Variants in EYA2 observed in about 807,000 individuals in gnomAD.
EYA2 encodes EYA transcriptional coactivator and phosphatase 2, also known as protein phosphatase EYA2.
A neutral mutation model predicts 69.2 loss-of-function variants in EYA2; 31 were observed. That is an observed-to-expected ratio of 0.45 (90% CI 0.34 to 0.60). The LOEUF is 0.60. EYA2 is among the 20% of genes least tolerant of loss of function. EYA2 has a pLI of 0.02. For missense variants in EYA2, 622 were observed against 701.2 expected, an observed-to-expected ratio of 0.89 and a Z score of 1.28; for synonymous variants, 257 against 279.4, an observed-to-expected ratio of 0.92 and a Z score of 0.80.
rs372300810 is a variant in EYA2, at chr20:47,136,059, G to GA, written c.889-6993dup. Among the ~76,000 whole-genome samples, 46 of 151,742 alleles carry GA rather than the reference G, an allele frequency of 3.0e-4. 1 individual carries two copies. Among genetic ancestry groups the GA allele is most frequent in the African/African-American group, 9.9e-4 (41 of 41,372 alleles). The stretch of plus-strand genomic sequence containing the variant: ...GAAACAGAAAACTTGGAAAATCCAG[G>GA]AAAAAAAGTCTTTAATGGATAGAGT... On this transcript the variant is annotated intron_variant, in intron 9 of 15. Transcript: ENST00000327619.
At chr20:47,072,052 T>C (rs1049004726) in intron 5 of EYA2, 133 bp from the exon 6 acceptor site, 3 of 801,080 alleles carry the variant, frequency 3.7e-6, no homozygotes, top group Non-Finnish European at 6.4e-6. Flanking sequence ...GCATTACCAC[T>C]AGGAACCAGA....
At chr20:47,111,578 C>T (rs1414934230) in intron 9 of EYA2, among the ~76,000 whole-genome samples, 2 of 152,122 alleles carry the variant, frequency 1.3e-5, no homozygotes, top group Admixed American at 6.5e-5. Context: ...GAGAGAGACC[C>T]GTCTTTAGTC....
chr20:47,060,851 CTTT>C (rs35809050), intron 5 of EYA2, among the ~76,000 whole-genome samples: 11,230 of 125,556 alleles, frequency 0.089, 505 homozygotes, highest in East Asian at 0.22. Flanking sequence ...CTCTCTCTCT[CTTT>C]TTTTTTTTTT....
At position 47,183,416 on chromosome 20, in the gene EYA2, C is replaced by T. The variant is rs533350061; in HGVS notation, c.1536+25C>T. The T allele has an allele frequency of 3.5e-5, 56 of 1,606,188 alleles. No homozygotes were observed. In the South Asian group the frequency reaches 5.4e-4, roughly 15 times the overall value. On this transcript the variant is annotated intron_variant, in intron 15 of 15. Transcript: ENST00000327619. The stretch of plus-strand genomic sequence containing the variant: ...GGTACTTCTTCCACCTCTCAGACTG[C>T]GTTTTCCTGCTCTTTCGAGCACCCC...
chr20:47,040,959 T>G (rs1024071700), intron 5 of EYA2, among the ~76,000 whole-genome samples: 2 of 152,306 alleles, frequency 1.3e-5, no homozygotes, highest in Middle Eastern at 6.8e-3. Flanking sequence ...ACAGAACACG[T>G]GAGGCTCCAC....
At chr20:46,981,468 A>T (rs967800332) in intron 1 of EYA2, among the ~76,000 whole-genome samples, 1 of 152,178 alleles carries the variant, frequency 6.6e-6, no homozygotes, top group Non-Finnish European at 1.5e-5. Context: ...ATATTTCTGT[A>T]GCTTTGGCTT....
chr20:47,169,016 C>G lies in EYA2; in HGVS notation c.979-123C>G. ...ATCCAAATCCAGACTAGAACCCGAG[C>G]CTGATGACTCCCAGTGCAGTGCTCA... On this transcript the variant is annotated intron_variant, in intron 10 of 15. Transcript: ENST00000327619. 4.9e-6 allele frequency: 4 copies of G among 811,158 alleles called. No homozygotes were observed. In the South Asian group the frequency reaches 5.8e-5, roughly 12 times the overall value. 50.2% of individuals were successfully genotyped at this position (811,158 alleles called of 1,614,324 possible). A position where few individuals can be genotyped will look rare whatever the true frequency, so the allele number is the denominator to read the frequency against.
chr20:47,162,118 C>T (rs1232686014), intron 10 of EYA2, among the ~76,000 whole-genome samples: 1 of 152,146 alleles, frequency 6.6e-6, no homozygotes, highest in Admixed American at 6.5e-5. Context: ...CTCGTCATCA[C>T]CTGGCATTCT....
At chr20:47,046,429 A>G (rs1330506564) in intron 5 of EYA2, among the ~76,000 whole-genome samples, 1 of 152,206 alleles carries the variant, frequency 6.6e-6, no homozygotes, top group East Asian at 1.9e-4. Context: ...TGGGGGAACC[A>G]GCATGTAGAT....
intron 12 of EYA2, among the ~76,000 whole-genome samples, chr20:47,176,166 A>G (rs1600772619): frequency 7.1e-6 from 1 of 141,636 alleles, no homozygotes; most frequent in Non-Finnish European, 1.5e-5. Context: ...TGCAACCTCT[A>G]CCTCCCAGGT....
chr20:47,175,020 G>A lies in EYA2; in HGVS notation c.1198+2153G>A, dbSNP rs1883884. 3.5e-3 allele frequency among the ~76,000 whole-genome samples: 530 copies of A among 152,352 alleles called. 2 individuals are homozygous for A. The highest frequency in any genetic ancestry group is 0.012 in the African/African-American group (482 of 41,576). ...AGGTGAGACAGGGATGGGGTTGGCCGCCAGAGAGCATCTGTTCCCCATCCA... is the reference window on the plus strand; with the variant it reads ...AGGTGAGACAGGGATGGGGTTGGCCACCAGAGAGCATCTGTTCCCCATCCA... On this transcript the variant is annotated intron_variant, in intron 12 of 15. Coordinates refer to ENST00000327619, the MANE Select transcript of EYA2 (RefSeq NM_005244.5).
chr20:47,089,742 ACT>A (rs2032015782), intron 8 of EYA2, among the ~76,000 whole-genome samples: 1 of 151,998 alleles, frequency 6.6e-6, no homozygotes, highest in African/African-American at 2.4e-5. Context: ...TGAGGACCAC[ACT>A]CTGAGAGTCC....
At chr20:46,942,622 G>A (rs1260700994) in intron 1 of EYA2, among the ~76,000 whole-genome samples, 1 of 152,204 alleles carries the variant, frequency 6.6e-6, no homozygotes, top group Non-Finnish European at 1.5e-5. Flanking sequence ...GGGCTCTGGA[G>A]TGGATCTGTG....
intron 10 of EYA2, among the ~76,000 whole-genome samples, chr20:47,146,077 G>C (rs1186715293): frequency 2.0e-5 from 3 of 152,074 alleles, no homozygotes; most frequent in African/African-American, 4.8e-5. Context: ...GTGGAGGTTG[G>C]GGGAGAGAGA....
At chr20:47,024,027 G>A (rs755881146) in intron 5 of EYA2, among the ~76,000 whole-genome samples, 15 of 152,100 alleles carry the variant, frequency 9.9e-5, no homozygotes, top group African/African-American at 3.6e-4. Flanking sequence ...TGTAGTAAAC[G>A]TTTTAATGTC....
At chr20:46,963,089 A>T (rs1172037453) in intron 1 of EYA2, among the ~76,000 whole-genome samples, 1 of 152,212 alleles carries the variant, frequency 6.6e-6, no homozygotes, top group African/African-American at 2.4e-5. Flanking sequence ...AGCAGGACTA[A>T]GCCCCAGTTG....
At position 47,004,934 on chromosome 20, in the gene EYA2, C is replaced by G. The variant is rs960227192; in HGVS notation, c.156-8C>G. ...CCTGGAGATTTAATCTTCCCTCTTT[C>G]CACACAGATCTTGCCCACGTGTCCT... On this transcript the variant is annotated splice_polypyrimidine_tract_variant and splice_region_variant and intron_variant, in intron 3 of 15. Coordinates refer to ENST00000327619, the MANE Select transcript of EYA2 (RefSeq NM_005244.5). The G allele has an allele frequency of 6.2e-7, 1 of 1,614,008 alleles. No homozygotes were observed. The highest frequency in any genetic ancestry group is 8.5e-7 in the Non-Finnish European group (1 of 1,179,946).
rs1333610873 is a variant in EYA2, at chr20:46,973,092, G to GAC, written c.-10-16904_-10-16903dup. Among the ~76,000 whole-genome samples, 4 of 152,116 alleles carry GAC rather than the reference G, an allele frequency of 2.6e-5. No homozygotes were observed. The East Asian group carries it at 5.8e-4, about 22-fold the overall frequency. ...GGGCCCTCGTGGTGTCACTAGGAGG[G>GAC]ACACACCTGGGACTCCTGATGAGAT... is the stretch of plus-strand genomic sequence containing the variant. On this transcript the variant is annotated intron_variant, in intron 1 of 15. Coordinates refer to ENST00000327619, the MANE Select transcript of EYA2 (RefSeq NM_005244.5).
intron 5 of EYA2, among the ~76,000 whole-genome samples, chr20:47,034,738 T>C (rs1407418536): frequency 6.6e-6 from 1 of 152,174 alleles, no homozygotes; most frequent in Non-Finnish European, 1.5e-5. Flanking sequence ...AGAATATAAG[T>C]TTATTGTCTC....
Sources: allele counts gnomAD v4.1 joint callset (sites outside exome capture counted in the v4.1 genomes callset), GRCh38; gene constraint gnomAD v4.1.1; transcripts MANE v1.5; gene names NCBI Gene and HGNC (gene_info 2026-07-23, HGNC 2026-07-21).